The following COL15A1 variants were observed in gnomAD, a reference collection of about 807,000 sequenced individuals.
COL15A1 encodes the protein collagen alpha-1(XV) chain.
Under a neutral mutation model 165.9 loss-of-function variants are expected in COL15A1, and 111 were observed. The ratio of observed to expected loss-of-function variants is 0.67; its 90% CI spans 0.57 to 0.78. The LOEUF (loss-of-function observed/expected upper bound fraction) is 0.78. Among genes scored for constraint, COL15A1 ranks in the 30% least tolerant of loss-of-function variants. The pLI, the probability that COL15A1 is intolerant of heterozygous loss-of-function variation, is 0.00. For synonymous variants in COL15A1, 659 were observed against 674.8 expected (o/e 0.98, Z 0.36); for missense variants, 1,745 against 1,789.7 (o/e 0.98, Z 0.45).
rs60290557 is a variant in COL15A1 at position 99,034,586 on chromosome 9, TAAA to T, written c.2079+28_2079+30del. On this transcript the variant is annotated splice_donor_5th_base_variant and intron_variant, in intron 17 of 41. Transcript: ENST00000375001. ...CCTAATGGCTCAGTTGGTGAAAAGG[TAAA>T]AAAAAAAAAAAAAAAAAAAAAAAAA... 108,448 of 1,032,558 alleles carry T rather than the reference TAAA, an allele frequency of 0.11. 142 individuals are homozygous for T. Among genetic ancestry groups the T allele is most frequent in the East Asian group, 0.17 (4,051 of 23,998 alleles). 64.0% of individuals were successfully genotyped at this position (1,032,558 alleles called of 1,614,324 possible).
chr9:99,051,790 G>A (rs201495356), intron 30 of COL15A1, among the ~76,000 whole-genome samples: 2 of 152,182 alleles, frequency 1.3e-5, no homozygotes, highest in East Asian at 3.8e-4. Context: ...TCTGAATAGA[G>A]AAGGAAATGC....
At chr9:98,986,930 T>C (rs140087043) in intron 3 of COL15A1, among the ~76,000 whole-genome samples, 323 of 152,206 alleles carry the variant, frequency 2.1e-3, no homozygotes, top group African/African-American at 7.4e-3. Context: ...GCCTTCAAAC[T>C]CAGAAGCATT....
At chr9:98,982,200 C>T (rs768373500) in intron 2 of COL15A1, among the ~76,000 whole-genome samples, 1 of 152,064 alleles carries the variant, frequency 6.6e-6, no homozygotes, top group South Asian at 2.1e-4. Context: ...TTCATTGCAG[C>T]CTCAAACTCT....
chr9:99,058,170 A>G (rs1346187538), intron 35 of COL15A1, among the ~76,000 whole-genome samples: 1 of 152,234 alleles, frequency 6.6e-6, no homozygotes, highest in Non-Finnish European at 1.5e-5. Context: ...GACAACTTAC[A>G]GCTTCCACTG....
chr9:98,986,101 G>A lies in COL15A1; in HGVS notation c.637G>A (p.Glu213Lys), dbSNP rs144123375. The A allele has an allele frequency of 7.5e-5, 121 of 1,612,470 alleles. No homozygotes were observed. The African/African-American group carries it at 9.2e-4, about 12-fold the overall frequency. ...GGGCAATGCAGGAGCTACAGGGCTC[G>A]AGAGATTCACTGTGAGTTAAAGTCC... Reference protein sequence around the residue: ...FMGNAGATGLERFTGSLQQLT... With the variant: ...FMGNAGATGLKRFTGSLQQLT... The change falls in exon 3 of 42, where the codon GAG becomes AAG. Residue 213 changes from glutamate to lysine, a missense_variant. Glu to Lys is a moderately conservative substitution (Grantham distance 56). Coordinates refer to ENST00000375001, the MANE Select transcript of COL15A1 (RefSeq NM_001855.5).
chr9:99,026,570 C>G (rs2119023293), intron 16 of COL15A1, among the ~76,000 whole-genome samples: 1 of 152,300 alleles, frequency 6.6e-6, no homozygotes, highest in South Asian at 2.1e-4. Flanking sequence ...TAGTGCATCC[C>G]CCAACTCCTC....
At chr9:99,054,718 T>G in intron 32 of COL15A1, 62 bp downstream of exon 32, 1 of 1,532,566 alleles carries the variant, frequency 6.5e-7, no homozygotes, top group Non-Finnish European at 8.8e-7. Context: ...CAAATGCGAC[T>G]GAGAAATGTG....
intron 9 of COL15A1, among the ~76,000 whole-genome samples, chr9:99,007,329 GT>G (rs1227426934): frequency 1.3e-5 from 2 of 152,190 alleles, no homozygotes; most frequent in Admixed American, 1.3e-4. Flanking sequence ...ATGGGAGGCC[GT>G]TTTGCCCTAA....
At chr9:98,972,312 T>C (rs1838072133) in intron 2 of COL15A1, among the ~76,000 whole-genome samples, 1 of 152,050 alleles carries the variant, frequency 6.6e-6, no homozygotes, top group Admixed American at 6.5e-5. Flanking sequence ...GGCAAGACCC[T>C]GAAAGACTCT....
chr9:98,954,932 T>C (rs1396097109), intron 2 of COL15A1, among the ~76,000 whole-genome samples: 1 of 152,160 alleles, frequency 6.6e-6, no homozygotes, highest in Non-Finnish European at 1.5e-5. Flanking sequence ...TCCACTCTTC[T>C]CCTTCATTCA....
At chr9:99,021,581 T>C (rs1839028326) in intron 12 of COL15A1, among the ~76,000 whole-genome samples, 2 of 152,224 alleles carry the variant, frequency 1.3e-5, no homozygotes, top group South Asian at 4.1e-4. Flanking sequence ...AAAAGCATTT[T>C]CTGGGGCACT....
chr9:98,996,015 A>C (rs1259713330), intron 5 of COL15A1, among the ~76,000 whole-genome samples: 1 of 152,218 alleles, frequency 6.6e-6, no homozygotes, highest in Non-Finnish European at 1.5e-5. Context: ...TAAATTCTAA[A>C]TGATGGGGCT....
intron 15 of COL15A1, among the ~76,000 whole-genome samples, chr9:99,025,308 T>G (rs192478327): frequency 6.6e-6 from 1 of 152,344 alleles, no homozygotes; most frequent in African/African-American, 2.4e-5. Flanking sequence ...TGATGCACAT[T>G]CAGCAGAGAC....
Position 99,036,314 on chromosome 9 carries a change from G to A in COL15A1, c.2327G>A (p.Gly776Glu). ...CTCACTTCTTGCTGCTTTGACCAGGGAGAAAGGGGGATGGATGGAGCCAGT... is the reference window on the plus strand; with the variant it reads ...CTCACTTCTTGCTGCTTTGACCAGGAAGAAAGGGGGATGGATGGAGCCAGT... ...KGEKGDRGPK[G>E]ERGMDGASIV... Residue 776 changes from glycine to glutamate, a missense_variant and splice_region_variant, in exon 21 of 42, where the codon GGA (glycine) becomes GAA (glutamate). By Grantham distance (98) the Gly-to-Glu change is moderately conservative (BLOSUM62 -2). Coordinates refer to ENST00000375001, the MANE Select transcript of COL15A1 (RefSeq NM_001855.5). The A allele has an allele frequency of 6.2e-7, 1 of 1,614,164 alleles. No homozygotes were observed. Among genetic ancestry groups the A allele is most frequent in the Non-Finnish European group, 8.5e-7 (1 of 1,180,044 alleles).
chr9:99,054,937 G>A (rs963183624), intron 32 of COL15A1, among the ~76,000 whole-genome samples, 165 bp from the exon 33 acceptor site: 1 of 152,318 alleles, frequency 6.6e-6, no homozygotes. Flanking sequence ...GGGTTGATGG[G>A]CCCACAGTAG....
chr9:98,949,809 G>A (rs1282882650), intron 2 of COL15A1, among the ~76,000 whole-genome samples: 1 of 152,130 alleles, frequency 6.6e-6, no homozygotes, highest in Non-Finnish European at 1.5e-5. Flanking sequence ...CACCCCAAAA[G>A]AAATATCTAT....
rs546378990 is a variant in COL15A1, at chr9:99,009,224, A to G, written c.1353+4174A>G. ...AAAAGCAAAACAACTGTGGATGACA[A>G]AAGTGTTGAAACAGTCATAGTTAAA... On this transcript the variant is annotated intron_variant, in intron 9 of 41. Transcript: ENST00000375001. Among the ~76,000 whole-genome samples the G allele has an allele frequency of 3.3e-5, 5 of 152,370 alleles. No homozygotes were observed. The South Asian group carries it at 8.3e-4, about 25-fold the overall frequency.
chr9:99,005,316 C>T (rs757427066), intron 9 of COL15A1, among the ~76,000 whole-genome samples: 2 of 152,096 alleles, frequency 1.3e-5, no homozygotes, highest in Non-Finnish European at 2.9e-5. Context: ...CTGCTGCCTC[C>T]ACCCACAGGG....
chr9:99,067,924 A>G (rs1403209978), intron 40 of COL15A1, among the ~76,000 whole-genome samples: 1 of 152,256 alleles, frequency 6.6e-6, no homozygotes, highest in Admixed American at 6.5e-5. Context: ...GAAGCTTAGT[A>G]TGTATGCATA....
Sources: allele counts gnomAD v4.1 joint callset (sites outside exome capture counted in the v4.1 genomes callset), GRCh38; gene constraint gnomAD v4.1.1; transcripts MANE v1.5; gene names NCBI Gene and HGNC (gene_info 2026-07-23, HGNC 2026-07-21).